HMGN5: variants seen among roughly 807,000 people sequenced by gnomAD.
HMGN5 encodes high mobility group nucleosome-binding domain-containing protein 5.
Under a neutral mutation model 9.5 loss-of-function variants are expected in HMGN5, and 4 were observed. That is an observed-to-expected ratio of 0.42 (90% CI 0.21 to 0.96). HMGN5 has a LOEUF of 0.96. HMGN5 is among the 40% of genes least tolerant of loss of function. The pLI is 0.30. For missense variants in HMGN5, 192 were observed against 187.5 expected (o/e 1.02, Z -0.14); for synonymous variants, 55 against 57.1 (o/e 0.96, Z 0.16).
At chrX:81,187,884 T>C (rs1395889583) in intron 1 of HMGN5, among the ~76,000 whole-genome samples, 1 of 111,201 alleles carries the variant, frequency 9.0e-6, no homozygotes, top group Non-Finnish European at 1.9e-5. Flanking sequence ...GATTTGAGGT[T>C]ACCATGAGGC....
At chrX:81,128,319 C>T (rs1008445540) in intron 1 of HMGN5, among the ~76,000 whole-genome samples, 10 of 110,873 alleles carry the variant, frequency 9.0e-5, no homozygotes, top group African/African-American at 3.3e-4. Flanking sequence ...ATTTTAATGA[C>T]GATAGTATAA....
chrX:81,188,018 C>T (rs1317745946), intron 1 of HMGN5, among the ~76,000 whole-genome samples: 1 of 110,639 alleles, frequency 9.0e-6, no homozygotes, highest in Non-Finnish European at 1.9e-5. Flanking sequence ...TACATATTAA[C>T]TTCATTCCTT....
intron 3 of HMGN5, among the ~76,000 whole-genome samples, chrX:81,119,305 T>C (rs1359310271): frequency 8.9e-6 from 1 of 111,942 alleles, no homozygotes; most frequent in Non-Finnish European, 1.9e-5. Flanking sequence ...ACAACAATGA[T>C]TCTCGCTTTG....
chrX:81,157,255 C>T (rs1042769905), intron 1 of HMGN5, among the ~76,000 whole-genome samples: 3 of 111,921 alleles, frequency 2.7e-5, no homozygotes, highest in Non-Finnish European at 5.6e-5. Flanking sequence ...GCATTTCTTG[C>T]CAGTGGGCCT....
At chrX:81,146,618 G>T (rs1315530675) in intron 1 of HMGN5, among the ~76,000 whole-genome samples, 5 of 111,627 alleles carry the variant, frequency 4.5e-5, no homozygotes, top group Non-Finnish European at 7.5e-5. Context: ...ACATTCAAAA[G>T]CTAGCAGAAG....
At chrX:81,115,636 T>C (rs1204790079) in intron 6 of HMGN5, among the ~76,000 whole-genome samples, 2 of 112,144 alleles carry the variant, frequency 1.8e-5, no homozygotes, top group Non-Finnish European at 3.8e-5. Flanking sequence ...ATAATAATGA[T>C]ATTTTTTATG....
intron 1 of HMGN5, among the ~76,000 whole-genome samples, chrX:81,158,655 G>A (rs1489546604): frequency 8.9e-6 from 1 of 112,226 alleles, no homozygotes; most frequent in Non-Finnish European, 1.9e-5. Context: ...CTGTGCAGAA[G>A]CTCTTTAGTT....
chrX:81,195,900 G>A (rs1193965538), intron 1 of HMGN5, among the ~76,000 whole-genome samples: 2 of 111,465 alleles, frequency 1.8e-5, no homozygotes, highest in African/African-American at 6.5e-5. Flanking sequence ...TAGCTGAGTG[G>A]CGCCCTCTAG....
chrX:81,191,974 G>GT (rs781565445), intron 1 of HMGN5, among the ~76,000 whole-genome samples: 2 of 110,669 alleles, frequency 1.8e-5, no homozygotes, highest in African/African-American at 3.3e-5. Context: ...ATTGTGCTCT[G>GT]TTTTTTTTCT....
chrX:81,180,074 A>T (rs1339712833), intron 1 of HMGN5, among the ~76,000 whole-genome samples: 2 of 111,935 alleles, frequency 1.8e-5, no homozygotes, highest in Admixed American at 1.9e-4. Flanking sequence ...AAAGACTTAA[A>T]TGTTAGACCT....
chrX:81,157,870 C>G (rs1027696919), intron 1 of HMGN5, among the ~76,000 whole-genome samples: 8 of 110,124 alleles, frequency 7.3e-5, no homozygotes, highest in Non-Finnish European at 1.5e-4. Context: ...AGCTCTGCCT[C>G]CTGGGTTCAC....
In HMGN5 at chrX:81,191,087, C is replaced by A. The variant is rs1191291731; in HGVS notation, c.-124+10650G>T. ...ACATTTTTATTTCCCATGTCTGTTACTAATATGTTCAAATACCATTCTATT... is the reference window on the plus strand; with the variant it reads ...ACATTTTTATTTCCCATGTCTGTTAATAATATGTTCAAATACCATTCTATT... On this transcript the variant is annotated intron_variant, in intron 1 of 6. Coordinates refer to ENST00000358130, the MANE Select transcript of HMGN5 (RefSeq NM_030763.3). 6.3e-5 allele frequency among the ~76,000 whole-genome samples: 7 copies of A among 111,601 alleles called. No individual in the cohort carries two copies. The Admixed American group carries it at 6.7e-4, about 11-fold the overall frequency.
intron 1 of HMGN5, among the ~76,000 whole-genome samples, chrX:81,147,296 C>A (rs890165121): frequency 9.0e-6 from 1 of 111,616 alleles, no homozygotes; most frequent in Non-Finnish European, 1.9e-5. Flanking sequence ...AGCTTATCCA[C>A]CATGATCAAG....
At chrX:81,174,019 A>AT (rs1321541880) in intron 1 of HMGN5, among the ~76,000 whole-genome samples, 2 of 111,477 alleles carry the variant, frequency 1.8e-5, no homozygotes, top group Admixed American at 9.5e-5. Context: ...AAAGTTAGAA[A>AT]TTTTTTTCTG....
At chrX:81,176,804 G>A (rs2075443425) in intron 1 of HMGN5, among the ~76,000 whole-genome samples, 1 of 111,717 alleles carries the variant, frequency 9.0e-6, no homozygotes, top group South Asian at 3.8e-4. Context: ...ATCTACATTT[G>A]ATTGGTGTAC....
intron 1 of HMGN5, among the ~76,000 whole-genome samples, chrX:81,176,107 C>G (rs1409010189): frequency 9.0e-6 from 1 of 111,678 alleles, no homozygotes; most frequent in African/African-American, 3.3e-5. Context: ...ATTTGCTGTT[C>G]TGCAACCTCC....
chrX:81,135,003 G>A (rs779953500), intron 1 of HMGN5, among the ~76,000 whole-genome samples: 61 of 111,535 alleles, frequency 5.5e-4, no homozygotes, highest in Admixed American at 1.4e-3. Flanking sequence ...AAATGTAAGA[G>A]TGAAAACAAT....
intron 1 of HMGN5, among the ~76,000 whole-genome samples, chrX:81,124,571 G>A (rs1326683062): frequency 4.8e-4 from 53 of 111,124 alleles, no homozygotes; most frequent in Non-Finnish European, 5.7e-5. Flanking sequence ...CTTCAAATTG[G>A]GTCAAACTTG....
intron 1 of HMGN5, among the ~76,000 whole-genome samples, chrX:81,174,981 AGT>A (rs2075437435): frequency 8.9e-6 from 1 of 111,809 alleles, no homozygotes; most frequent in Non-Finnish European, 1.9e-5. Flanking sequence ...TAGAATAAGT[AGT>A]GAGAAGATTA....
Sources: allele counts gnomAD v4.1 joint callset (sites outside exome capture counted in the v4.1 genomes callset), GRCh38; gene constraint gnomAD v4.1.1; transcripts MANE v1.5; gene names NCBI Gene and HGNC (gene_info 2026-07-23, HGNC 2026-07-21).